The following RIMS1 variants were observed in gnomAD, a reference collection of about 807,000 sequenced individuals.
RIMS1 encodes the protein regulating synaptic membrane exocytosis 1, also known as regulating synaptic membrane exocytosis protein 1.
RIMS1 carries 83 observed loss-of-function variants against 214.1 expected under a neutral mutation model. The observed-to-expected ratio is 0.39, with a 90% CI of 0.32 to 0.47. The LOEUF is 0.47. Ranked by LOEUF, RIMS1 falls within the 20% of genes least tolerant of loss-of-function variation. The probability of loss-of-function intolerance (pLI) is 0.99; values close to 1 mark genes in which losing one functional copy is unlikely to be tolerated. For synonymous variants in RIMS1, 793 were observed against 786.8 expected, an observed-to-expected ratio of 1.01 and a Z score of -0.13; for missense variants, 2,050 against 2,161.8, an observed-to-expected ratio of 0.95 and a Z score of 1.03.
intron 24 of RIMS1, among the ~76,000 whole-genome samples, chr6:72,289,233 G>A (rs759457836): frequency 1.3e-5 from 2 of 152,090 alleles, no homozygotes; most frequent in Non-Finnish European, 2.9e-5. Flanking sequence ...TGCGAGCCAC[G>A]TTTAGAAAGA....
At chr6:72,203,027 C>T (rs1208429622) in intron 6 of RIMS1, among the ~76,000 whole-genome samples, 4 of 152,052 alleles carry the variant, frequency 2.6e-5, no homozygotes, top group African/African-American at 7.2e-5. Flanking sequence ...CTCCCTCTGT[C>T]GCCAGGCCGG....
intron 33 of RIMS1, 86 bp downstream of exon 33, chr6:72,399,180 A>G: frequency 8.5e-7 from 1 of 1,174,174 alleles, no homozygotes; most frequent in African/African-American, 1.5e-5. Flanking sequence ...AAGAGAATAA[A>G]ATTTGGTAAA....
chr6:72,256,164 C>G (rs191032586), intron 16 of RIMS1, among the ~76,000 whole-genome samples: 20 of 151,452 alleles, frequency 1.3e-4, no homozygotes, highest in Admixed American at 1.3e-3. Context: ...AAGCAAAGAA[C>G]TTTTTCTTTG....
chr6:72,275,096 T>G (rs1409567898), intron 23 of RIMS1, among the ~76,000 whole-genome samples: 1 of 141,572 alleles, frequency 7.1e-6, no homozygotes, highest in Non-Finnish European at 1.5e-5. Context: ...CAGTGTGAAG[T>G]TGACCCAGTT....
chr6:72,229,691 C>A (rs902881286), intron 6 of RIMS1, among the ~76,000 whole-genome samples: 1 of 151,750 alleles, frequency 6.6e-6, no homozygotes. Flanking sequence ...TATGAAGAAA[C>A]ATTTCAAAAT....
At chr6:72,340,389 G>C (rs534970606) in intron 29 of RIMS1, among the ~76,000 whole-genome samples, 2,810 of 151,964 alleles carry the variant, frequency 0.018, 48 homozygotes, top group African/African-American at 0.049. Flanking sequence ...TATTGCCTAG[G>C]TTTTCTTCTA....
intron 6 of RIMS1, among the ~76,000 whole-genome samples, chr6:72,200,857 T>TTGTGTGTGTGTGTG (rs70994114): frequency 1.2e-4 from 17 of 146,254 alleles, no homozygotes; most frequent in African/African-American, 3.0e-4. Flanking sequence ...AAGGACACAA[T>TTGTGTGTGTGTGTG]TGTGTGTGTG....
chr6:72,308,690 G>A (rs899406184), intron 27 of RIMS1, among the ~76,000 whole-genome samples: 3 of 152,220 alleles, frequency 2.0e-5, no homozygotes, highest in East Asian at 3.9e-4. Flanking sequence ...AGATGCAGAA[G>A]GGCTTCCAAA....
chr6:72,271,286 A>AAATATATATAT (rs1417580438), intron 22 of RIMS1, among the ~76,000 whole-genome samples: 40 of 44,352 alleles, frequency 9.0e-4, no homozygotes, highest in Non-Finnish European at 9.7e-4. Flanking sequence ...AAAAAAAAAA[A>AAATATATATAT]ATATATATAT....
At chr6:72,222,836 G>A (rs1338820594) in intron 6 of RIMS1, among the ~76,000 whole-genome samples, 2 of 151,964 alleles carry the variant, frequency 1.3e-5, no homozygotes, top group Non-Finnish European at 2.9e-5. Context: ...TCAATGTTTT[G>A]CCCTTTAATC....
chr6:72,015,189 A>T (rs147597464), intron 2 of RIMS1, among the ~76,000 whole-genome samples: 99 of 152,260 alleles, frequency 6.5e-4, no homozygotes, highest in Admixed American at 1.8e-3. Context: ...ATTTGAAATA[A>T]TTTTTTGCAT....
intron 23 of RIMS1, among the ~76,000 whole-genome samples, chr6:72,278,675 A>T (rs985938250): frequency 1.3e-5 from 2 of 152,106 alleles, no homozygotes; most frequent in Non-Finnish European, 2.9e-5. Context: ...CTTTGAATGA[A>T]CAAAGTGTAT....
rs192595482 is a variant in RIMS1, at chr6:72,277,902, A to G, written c.3482+3470A>G. 7.2e-5 allele frequency among the ~76,000 whole-genome samples: 11 copies of G among 152,306 alleles called. No individual in the cohort carries two copies. In the East Asian group the frequency reaches 2.1e-3, roughly 29 times the overall value. On this transcript the variant is annotated intron_variant, in intron 23 of 33. Coordinates refer to ENST00000521978, the MANE Select transcript of RIMS1 (RefSeq NM_014989.7). ...ATTTGTAAGTAGCCATTTAGAAAAA[A>G]TATATTTTAATATGGCCCTGAAGCA...
At chr6:72,196,493 A>G (rs1005639954) in intron 6 of RIMS1, among the ~76,000 whole-genome samples, 4 of 150,610 alleles carry the variant, frequency 2.7e-5, no homozygotes, top group African/African-American at 9.8e-5. Context: ...TTAGCTACAT[A>G]TATTTTAAAA....
intron 1 of RIMS1, among the ~76,000 whole-genome samples, chr6:71,931,403 A>G (rs939819070): frequency 6.6e-5 from 10 of 152,092 alleles, no homozygotes; most frequent in African/African-American, 2.4e-4. Flanking sequence ...TTGCAGATAT[A>G]TTGAATTATC....
At chr6:71,993,596 A>C (rs889826308) in intron 2 of RIMS1, among the ~76,000 whole-genome samples, 1 of 152,234 alleles carries the variant, frequency 6.6e-6, no homozygotes, top group Non-Finnish European at 1.5e-5. Flanking sequence ...ACATAAGGAC[A>C]AAACAACCAG....
chr6:72,099,943 T>C (rs1276374625), intron 3 of RIMS1, 32 bp from the exon 4 acceptor site: 4 of 1,591,378 alleles, frequency 2.5e-6, no homozygotes, highest in Middle Eastern at 3.3e-4. Context: ...GTCTTCTTTC[T>C]CTACTCTGCT....
chr6:71,945,377 AC>A (rs1787475196), intron 1 of RIMS1, among the ~76,000 whole-genome samples: 1 of 152,030 alleles, frequency 6.6e-6, no homozygotes, highest in Admixed American at 6.6e-5. Flanking sequence ...GGGGATAAAT[AC>A]CTCATCCAGC....
chr6:72,139,111 T>C (rs2041765245), intron 4 of RIMS1, among the ~76,000 whole-genome samples: 1 of 152,164 alleles, frequency 6.6e-6, no homozygotes, highest in South Asian at 2.1e-4. Context: ...TGTTTCTGTG[T>C]GTCTGTGTGT....
Sources: gnomAD v4.1 joint callset for allele counts (sites outside exome capture counted in the v4.1 genomes callset) on GRCh38, gnomAD v4.1.1 for gene constraint, MANE v1.5 for transcripts, NCBI Gene and HGNC (gene_info 2026-07-23, HGNC 2026-07-21) for gene names.